PDZRN4: variants seen among roughly 807,000 people sequenced by gnomAD.
PDZRN4 encodes the protein PDZ domain containing ring finger 4.
PDZRN4 carries 70 observed loss-of-function variants against 99.0 expected under a neutral mutation model. That is an observed-to-expected ratio of 0.71 (90% CI 0.58 to 0.86). PDZRN4 has a LOEUF of 0.86. Ranked by LOEUF, PDZRN4 falls within the 40% of genes least tolerant of loss-of-function variation. The pLI is 0.00. For synonymous variants in PDZRN4, 551 were observed against 501.6 expected, an observed-to-expected ratio of 1.10 and a Z score of -1.32; for missense variants, 1,474 against 1,331.2, an observed-to-expected ratio of 1.11 and a Z score of -1.67.
intron 3 of PDZRN4, among the ~76,000 whole-genome samples, chr12:41,383,152 C>T (rs1009679183): frequency 2.0e-5 from 3 of 152,102 alleles, no homozygotes; most frequent in African/African-American, 7.2e-5. Flanking sequence ...TGAAATAGGA[C>T]CTTCTGTGCC....
intron 7 of PDZRN4, among the ~76,000 whole-genome samples, chr12:41,562,788 T>C (rs1378627284): frequency 6.6e-6 from 1 of 152,134 alleles, no homozygotes; most frequent in Non-Finnish European, 1.5e-5. Context: ...ATCTTTTCCA[T>C]GAAATCTAAA....
At chr12:41,363,797 G>A (rs1308511561) in intron 3 of PDZRN4, among the ~76,000 whole-genome samples, 1 of 152,128 alleles carries the variant, frequency 6.6e-6, no homozygotes, top group Non-Finnish European at 1.5e-5. Flanking sequence ...GGCCATGTGT[G>A]CTGGTAGAAA....
rs543569012 is a variant in PDZRN4 at position 41,274,498 on chromosome 12, C to T, written c.843+80310C>T. Among the ~76,000 whole-genome samples, 301 of 152,114 alleles carry T rather than the reference C, an allele frequency of 2.0e-3. 7 individuals are homozygous for T. In the South Asian group the frequency reaches 0.043, roughly 21 times the overall value. Reference sequence around the variant, plus strand: ...GGATTGCCTGAATTAATGAAAGTTCCGAATTAGAAAATATTTTGGAAGCAA... The same window carrying T: ...GGATTGCCTGAATTAATGAAAGTTCTGAATTAGAAAATATTTTGGAAGCAA... On this transcript the variant is annotated intron_variant, in intron 3 of 9. Transcript: ENST00000402685.
At chr12:41,548,028 G>T (rs898708267) in intron 5 of PDZRN4, among the ~76,000 whole-genome samples, 1 of 152,220 alleles carries the variant, frequency 6.6e-6, no homozygotes, top group Non-Finnish European at 1.5e-5. Flanking sequence ...AACAGGCGGG[G>T]TTAAGGATGT....
chr12:41,225,581 T>C (rs1260866490), intron 3 of PDZRN4, among the ~76,000 whole-genome samples: 1 of 152,288 alleles, frequency 6.6e-6, no homozygotes, highest in East Asian at 1.9e-4. Flanking sequence ...ACAAATATTT[T>C]CCACAAATGT....
intron 3 of PDZRN4, among the ~76,000 whole-genome samples, chr12:41,469,008 CAAA>C (rs11322310): frequency 1.4e-5 from 2 of 141,246 alleles, no homozygotes; most frequent in Non-Finnish European, 1.6e-5. Flanking sequence ...GATTCTGTCT[CAAA>C]AAAAAAAAAA....
intron 5 of PDZRN4, among the ~76,000 whole-genome samples, chr12:41,548,685 T>TTG (rs1359954185): frequency 4.6e-5 from 7 of 152,296 alleles, no homozygotes; most frequent in African/African-American, 7.2e-5. Context: ...AAAAAGCCAA[T>TTG]GCTTTTTAAG....
At chr12:41,283,062 C>T (rs78552691) in intron 3 of PDZRN4, among the ~76,000 whole-genome samples, 2,340 of 147,404 alleles carry the variant, frequency 0.016, 23 homozygotes, top group Middle Eastern at 0.035. Flanking sequence ...GGAAAACCCT[C>T]CAAAAAAATC....
chr12:41,361,191 G>A (rs1565562141), intron 3 of PDZRN4, among the ~76,000 whole-genome samples: 1 of 152,016 alleles, frequency 6.6e-6, no homozygotes, highest in African/African-American at 2.4e-5. Context: ...TAATCGCTCA[G>A]TAGAGACAAA....
At chr12:41,197,027 CT>C (rs1476028725) in intron 3 of PDZRN4, among the ~76,000 whole-genome samples, 2 of 151,840 alleles carry the variant, frequency 1.3e-5, no homozygotes, top group African/African-American at 2.4e-5. Flanking sequence ...TTACTAAATG[CT>C]TTGAATTTAC....
At chr12:41,195,378 A>C (rs1228389856) in intron 3 of PDZRN4, among the ~76,000 whole-genome samples, 1 of 152,170 alleles carries the variant, frequency 6.6e-6, no homozygotes, top group African/African-American at 2.4e-5. Flanking sequence ...TACTTATATA[A>C]ACTATCAGAA....
intron 3 of PDZRN4, among the ~76,000 whole-genome samples, chr12:41,240,591 A>T (rs1304376356): frequency 6.6e-6 from 1 of 152,202 alleles, no homozygotes; most frequent in African/African-American, 2.4e-5. Context: ...GCTATAACAA[A>T]GTACCATAAA....
chr12:41,205,199 C>A (rs1950840616), intron 3 of PDZRN4, among the ~76,000 whole-genome samples: 1 of 151,892 alleles, frequency 6.6e-6, no homozygotes, highest in Admixed American at 6.6e-5. Context: ...TTCTTGAACT[C>A]TGTTTCTGTA....
At chr12:41,524,331 C>A (rs923299734) in intron 5 of PDZRN4, among the ~76,000 whole-genome samples, 2 of 152,134 alleles carry the variant, frequency 1.3e-5, no homozygotes, top group African/African-American at 4.8e-5. Flanking sequence ...ATCCCAATGG[C>A]ATATTAACTC....
intron 3 of PDZRN4, among the ~76,000 whole-genome samples, chr12:41,214,741 T>C (rs1308989274): frequency 6.6e-6 from 1 of 151,950 alleles, no homozygotes; most frequent in Non-Finnish European, 1.5e-5. Context: ...TTAGAGAAAT[T>C]AAGCAATTTA....
intron 8 of PDZRN4, 137 bp downstream of exon 8, chr12:41,563,786 A>G: frequency 1.6e-6 from 1 of 639,984 alleles, no homozygotes; most frequent in South Asian, 2.1e-5. Flanking sequence ...TCCCCATATA[A>G]CCCACCAGAT....
rs1038561342 is a variant in PDZRN4, at chr12:41,560,352, T to TAC, written c.1366-3186_1366-3185dup. Among the ~76,000 whole-genome samples, 30 of 152,188 alleles carry TAC rather than the reference T, an allele frequency of 2.0e-4. No individual in the cohort carries two copies. In the East Asian group the frequency reaches 5.8e-3, roughly 29 times the overall value. Reference sequence around the variant, plus strand: ...TCTCATTTCTAAGCTTTTAGGGCTTTACACACACACATACAAAACACACTC... The same window carrying TAC: ...TCTCATTTCTAAGCTTTTAGGGCTTTACACACACACACATACAAAACACACTC... On this transcript the variant is annotated intron_variant, in intron 7 of 9. Transcript: ENST00000402685.
intron 3 of PDZRN4, among the ~76,000 whole-genome samples, chr12:41,311,691 T>C (rs905474283): frequency 3.3e-5 from 5 of 152,194 alleles, no homozygotes; most frequent in African/African-American, 9.6e-5. Flanking sequence ...TTTAAAAATA[T>C]GTATGAATCA....
intron 3 of PDZRN4, among the ~76,000 whole-genome samples, chr12:41,425,049 A>G (rs1286586849): frequency 6.6e-6 from 1 of 152,188 alleles, no homozygotes; most frequent in African/African-American, 2.4e-5. Flanking sequence ...GATCGAAACA[A>G]CATTCACAAC....
Sources: allele counts gnomAD v4.1 joint callset (sites outside exome capture counted in the v4.1 genomes callset), GRCh38; gene constraint gnomAD v4.1.1; transcripts MANE v1.5; gene names NCBI Gene and HGNC (gene_info 2026-07-23, HGNC 2026-07-21).